Variants in FHIP1A observed in about 807,000 individuals in gnomAD.
FHIP1A encodes the protein FHF complex subunit HOOK interacting protein 1A.
In FHIP1A, 61 loss-of-function variants were observed where a neutral mutation model predicts 88.6. That is an observed-to-expected ratio of 0.69 (90% CI 0.56 to 0.85). The LOEUF (loss-of-function observed/expected upper bound fraction) is 0.85. Among genes scored for constraint, FHIP1A ranks in the 40% least tolerant of loss-of-function variants. The pLI is 0.00. For missense variants in FHIP1A, 1,154 were observed against 1,273.5 expected (o/e 0.91, Z 1.43); for synonymous variants, 478 against 496.0 (o/e 0.96, Z 0.48).
At chr4:151,446,568 T>G (rs1728612015) in intron 1 of FHIP1A, among the ~76,000 whole-genome samples, 1 of 140,508 alleles carries the variant, frequency 7.1e-6, no homozygotes, top group Non-Finnish European at 1.5e-5. Context: ...AATATGAATG[T>G]GTTGTTCTTT....
chr4:151,414,182 C>T (rs937287759), intron 1 of FHIP1A, among the ~76,000 whole-genome samples: 3 of 152,070 alleles, frequency 2.0e-5, no homozygotes, highest in African/African-American at 7.2e-5. Flanking sequence ...TCCCGAGTAG[C>T]TGGGACTACA....
At chr4:151,595,866 C>G (rs1453005814) in intron 7 of FHIP1A, among the ~76,000 whole-genome samples, 1 of 151,820 alleles carries the variant, frequency 6.6e-6, no homozygotes, top group Non-Finnish European at 1.5e-5. Context: ...TTTTTGCTTT[C>G]CATTTGCTTG....
In FHIP1A at chr4:151,670,353, T is replaced by TACA. The variant is rs1340152135; in HGVS notation, c.*7602_*7604dup. 1.3e-5 allele frequency: 2 copies of TACA among 152,204 alleles called. No homozygotes were observed. Among genetic ancestry groups the TACA allele is most frequent in the African/African-American group, 2.4e-5 (1 of 41,448 alleles). The allele number at this position is 152,204 out of a possible 1,614,324, so 9.4% of individuals were successfully genotyped here. On this transcript the variant is annotated 3_prime_UTR_variant, in exon 14 of 14. Coordinates refer to ENST00000435205, the MANE Select transcript of FHIP1A (RefSeq NM_001109977.3). ...CAAGCAAAACAAGTCAATTTCATGTTACAACTTTTTTCTTGTTTCTTTTTA... is the reference window on the plus strand; with the variant it reads ...CAAGCAAAACAAGTCAATTTCATGTTACAACAACTTTTTTCTTGTTTCTTTTTA...
intron 2 of FHIP1A, among the ~76,000 whole-genome samples, chr4:151,477,571 T>C (rs1470751829): frequency 6.7e-6 from 1 of 148,470 alleles, no homozygotes; most frequent in Non-Finnish European, 1.5e-5. Context: ...AACAAGAAAA[T>C]TGGGGAAAAT....
At chr4:151,442,827 T>C (rs545582266) in intron 1 of FHIP1A, among the ~76,000 whole-genome samples, 3 of 152,226 alleles carry the variant, frequency 2.0e-5, no homozygotes, top group Admixed American at 2.0e-4. Flanking sequence ...TTTTGTTATA[T>C]ACTTTGAGAG....
chr4:151,555,153 G>T (rs958374043), intron 3 of FHIP1A, among the ~76,000 whole-genome samples: 1 of 152,068 alleles, frequency 6.6e-6, no homozygotes, highest in African/African-American at 2.4e-5. Context: ...ATCTTCTACT[G>T]GTGTAGCTCC....
chr4:151,573,972 C>T (rs1733691956), intron 4 of FHIP1A, among the ~76,000 whole-genome samples: 1 of 152,166 alleles, frequency 6.6e-6, no homozygotes, highest in South Asian at 2.1e-4. Context: ...GCAAATTGTG[C>T]TCTAGTCAAG....
At chr4:151,448,913 A>G (rs1728700096) in intron 1 of FHIP1A, among the ~76,000 whole-genome samples, 1 of 152,122 alleles carries the variant, frequency 6.6e-6, no homozygotes, top group African/African-American at 2.4e-5. Flanking sequence ...ACTATTTTAC[A>G]TTCCTTTCAA....
At chr4:151,602,037 C>A (rs982357661) in intron 7 of FHIP1A, among the ~76,000 whole-genome samples, 2 of 151,996 alleles carry the variant, frequency 1.3e-5, no homozygotes, top group East Asian at 3.9e-4. Flanking sequence ...TTCAATGTCA[C>A]CAGAACAGCA....
At chr4:151,410,151 G>A (rs1290600271) in intron 1 of FHIP1A, among the ~76,000 whole-genome samples, 1 of 152,220 alleles carries the variant, frequency 6.6e-6, no homozygotes, top group East Asian at 1.9e-4. Context: ...GGCGGCGGTA[G>A]CCTTGTTGGC....
intron 7 of FHIP1A, among the ~76,000 whole-genome samples, chr4:151,591,835 G>A (rs1734443063): frequency 6.6e-6 from 1 of 152,184 alleles, no homozygotes; most frequent in Non-Finnish European, 1.5e-5. Flanking sequence ...ATTCCATGGT[G>A]TATATGTGCC....
intron 2 of FHIP1A, among the ~76,000 whole-genome samples, chr4:151,465,743 C>T (rs891668380): frequency 6.6e-6 from 1 of 152,128 alleles, no homozygotes; most frequent in Non-Finnish European, 1.5e-5. Flanking sequence ...AAAAGTAACC[C>T]ATCACATAAA....
chr4:151,601,626 T>G (rs893017470), intron 7 of FHIP1A, among the ~76,000 whole-genome samples: 28 of 149,872 alleles, frequency 1.9e-4, no homozygotes, highest in African/African-American at 5.2e-4. Flanking sequence ...AAGGAATATC[T>G]GAAGCATAGG....
At chr4:151,493,938 A>G (rs1490016819) in intron 3 of FHIP1A, among the ~76,000 whole-genome samples, 1 of 152,194 alleles carries the variant, frequency 6.6e-6, no homozygotes, top group Admixed American at 6.5e-5. Context: ...CACTTTCACC[A>G]CTTCTATTCA....
At chr4:151,581,415 T>A (rs1220968209) in intron 5 of FHIP1A, among the ~76,000 whole-genome samples, 4 of 152,204 alleles carry the variant, frequency 2.6e-5, no homozygotes, top group Non-Finnish European at 5.9e-5. Flanking sequence ...TATTATGTTT[T>A]ATATATTTTT....
intron 3 of FHIP1A, among the ~76,000 whole-genome samples, chr4:151,565,566 C>A (rs1371432965): frequency 6.6e-6 from 1 of 152,016 alleles, no homozygotes; most frequent in Non-Finnish European, 1.5e-5. Context: ...ATTCTGACAG[C>A]CATTGATTTA....
At chr4:151,485,591 G>GA (rs1730053857) in intron 3 of FHIP1A, among the ~76,000 whole-genome samples, 1 of 135,810 alleles carries the variant, frequency 7.4e-6, no homozygotes, top group African/African-American at 2.7e-5. Context: ...GGAGCTCAGA[G>GA]TTTTTTTTTT....
chr4:151,427,063 G>A (rs1733407552), intron 1 of FHIP1A, among the ~76,000 whole-genome samples: 1 of 151,990 alleles, frequency 6.6e-6, no homozygotes, highest in African/African-American at 2.4e-5. Context: ...AAATGATGGT[G>A]ACTATCCAGA....
At chr4:151,589,139 G>A (rs1010709483) in intron 7 of FHIP1A, among the ~76,000 whole-genome samples, 2 of 152,190 alleles carry the variant, frequency 1.3e-5, no homozygotes, top group Non-Finnish European at 2.9e-5. Flanking sequence ...AGTATTGTGA[G>A]TGTCAAGTAG....
Sources: allele counts gnomAD v4.1 joint callset (sites outside exome capture counted in the v4.1 genomes callset), GRCh38; gene constraint gnomAD v4.1.1; transcripts MANE v1.5; gene names NCBI Gene and HGNC (gene_info 2026-07-23, HGNC 2026-07-21).